Variants in ZNF609 observed in about 807,000 individuals in gnomAD.
The protein encoded by ZNF609 is zinc finger protein 609.
A neutral mutation model predicts 109.5 loss-of-function variants in ZNF609; 11 were observed. The ratio of observed to expected loss-of-function variants is 0.10; its 90% confidence interval spans 0.06 to 0.17. ZNF609 has a LOEUF of 0.17. ZNF609 is among the 10% of genes least tolerant of loss of function. The pLI, the probability that ZNF609 is intolerant of heterozygous loss-of-function variation, is 1.00. For synonymous variants in ZNF609, 646 were observed against 662.0 expected, an observed-to-expected ratio of 0.98 and a Z score of 0.37; for missense variants, 1,559 against 1,772.4, an observed-to-expected ratio of 0.88 and a Z score of 2.16.
chr15:64,485,164 C>T (rs1462021784), intron 1 of ZNF609, among the ~76,000 whole-genome samples: 4 of 151,802 alleles, frequency 2.6e-5, no homozygotes, highest in South Asian at 2.1e-4. Context: ...CTGTTGACCC[C>T]GAAGAAGTAT....
In ZNF609 at chr15:64,674,975, G is replaced by A. The variant is rs146607434; in HGVS notation, c.2121G>A (p.Lys707=). ...CCCAACTCAAGCCCATTCAGCCCAA[G>A]CCCACTGTTATGGGAGAACCTTTCA... is the stretch of plus-strand genomic sequence containing the variant. The part of the protein sequence containing the change: ...NSPQLKPIQP[K]PTVMGEPFTV... The change falls in exon 5 of 10, where the codon AAG becomes AAA. Residue 707 remains lysine (K), a synonymous_variant. Coordinates refer to ENST00000326648, the MANE Select transcript of ZNF609 (RefSeq NM_015042.2). The A allele has an allele frequency of 4.0e-3, 6,387 of 1,614,002 alleles. 13 individuals carry two copies. Among genetic ancestry groups the A allele is most frequent in the Non-Finnish European group, 4.9e-3 (5,783 of 1,180,026 alleles).
At chr15:64,601,567 AAAT>A in intron 2 of ZNF609, among the ~76,000 whole-genome samples, 1 of 152,352 alleles carries the variant, frequency 6.6e-6, no homozygotes, top group South Asian at 2.1e-4. Flanking sequence ...GAGGACTACT[AAAT>A]AATAAGTACC....
chr15:64,662,477 C>T (rs1349551058), intron 3 of ZNF609, among the ~76,000 whole-genome samples: 3 of 152,120 alleles, frequency 2.0e-5, no homozygotes. Context: ...AGGCACATGC[C>T]AACAAGCCCA....
intron 3 of ZNF609, among the ~76,000 whole-genome samples, chr15:64,628,933 C>T (rs376563131): frequency 6.6e-6 from 1 of 152,024 alleles, no homozygotes; most frequent in African/African-American, 2.4e-5. Flanking sequence ...CCCCTGCTCA[C>T]TATTGTAATA....
intron 2 of ZNF609, among the ~76,000 whole-genome samples, chr15:64,596,914 G>A (rs1895406716): frequency 6.6e-6 from 1 of 152,244 alleles, no homozygotes; most frequent in East Asian, 1.9e-4. Context: ...AAGAGAAAGG[G>A]AAACTAAAAG....
At chr15:64,639,833 G>A (rs1896227442) in intron 3 of ZNF609, among the ~76,000 whole-genome samples, 1 of 152,130 alleles carries the variant, frequency 6.6e-6, no homozygotes, top group Admixed American at 6.6e-5. Context: ...ATAATAATGA[G>A]AGACATTGCT....
chr15:64,558,376 A>G (rs369000052), intron 2 of ZNF609, among the ~76,000 whole-genome samples: 1 of 152,284 alleles, frequency 6.6e-6, no homozygotes, highest in South Asian at 2.1e-4. Context: ...TCATCTATAC[A>G]ATGTGAATAA....
At position 64,678,149 on chromosome 15, in the gene ZNF609, C is replaced by T. The variant is rs1276545647; in HGVS notation, c.3436C>T (p.Pro1146Ser). ...AEPRMWTYVY[P>S]AKYSDIKSED... ...GCCCCGGATGTGGACATATGTTTATCCTGCCAAGTACTCAGACATCAAGTC... is the reference window on the plus strand; with the variant it reads ...GCCCCGGATGTGGACATATGTTTATTCTGCCAAGTACTCAGACATCAAGTC... Residue 1146 changes from proline (P) to serine (S), a missense_variant, in exon 6 of 10, where the codon CCT becomes TCT. Transcript: ENST00000326648. 3 of 1,604,904 alleles carry T rather than the reference C, an allele frequency of 1.9e-6. No homozygotes were observed. The highest frequency in any genetic ancestry group is 1.7e-6 in the Non-Finnish European group (2 of 1,174,700).
chr15:64,527,871 C>G (rs1023827476), intron 2 of ZNF609, among the ~76,000 whole-genome samples: 1 of 152,084 alleles, frequency 6.6e-6, no homozygotes, highest in Non-Finnish European at 1.5e-5. Context: ...TGTTCAGACC[C>G]TCATCATTTT....
At chr15:64,604,903 C>T (rs1895569990) in intron 2 of ZNF609, among the ~76,000 whole-genome samples, 1 of 152,084 alleles carries the variant, frequency 6.6e-6, no homozygotes, top group Admixed American at 6.6e-5. Context: ...ATGATCTTGG[C>T]TCACTGCAAA....
intron 7 of ZNF609, 86 bp from the exon 8 acceptor site, chr15:64,680,560 C>CA: frequency 4.0e-6 from 5 of 1,253,772 alleles, no homozygotes; most frequent in Non-Finnish European, 5.5e-6. Flanking sequence ...GGGCATCTCA[C>CA]TTGTGTGTGT....
At chr15:64,549,882 C>T (rs764493496) in intron 2 of ZNF609, among the ~76,000 whole-genome samples, 6 of 152,058 alleles carry the variant, frequency 3.9e-5, no homozygotes, top group Non-Finnish European at 5.9e-5. Context: ...GTCTCCTGTA[C>T]CCAAGTGATC....
intron 2 of ZNF609, among the ~76,000 whole-genome samples, chr15:64,506,764 CAT>C: frequency 6.6e-6 from 1 of 151,726 alleles, no homozygotes; most frequent in East Asian, 1.9e-4. Flanking sequence ...TTAGCTAATT[CAT>C]ATAAAACACT....
At chr15:64,500,683 G>A (rs977072997) in intron 2 of ZNF609, 15 of 480,530 alleles carry the variant, frequency 3.1e-5, no homozygotes, top group Middle Eastern at 5.4e-4. Context: ...TTCTATTGCC[G>A]GCTACCAAAG....
chr15:64,664,447 T>C (rs1483222247), intron 3 of ZNF609, among the ~76,000 whole-genome samples: 1 of 152,204 alleles, frequency 6.6e-6, no homozygotes, highest in Non-Finnish European at 1.5e-5. Flanking sequence ...TGCTGTTTTT[T>C]AGCAGTATTA....
intron 2 of ZNF609, among the ~76,000 whole-genome samples, chr15:64,530,603 G>GT (rs1387598346): frequency 7.2e-5 from 11 of 152,152 alleles, no homozygotes; most frequent in Admixed American, 7.2e-4. Flanking sequence ...TATTTTCTGT[G>GT]TGGTCTTCTT....
chr15:64,648,892 T>C (rs1348170221), intron 3 of ZNF609, among the ~76,000 whole-genome samples: 1 of 152,144 alleles, frequency 6.6e-6, no homozygotes. Flanking sequence ...TGAATCTTAC[T>C]TTAGTGGCCA....
At chr15:64,576,937 TATAAATATATAC>T (rs1475739333) in intron 2 of ZNF609, among the ~76,000 whole-genome samples, 2 of 110,164 alleles carry the variant, frequency 1.8e-5, no homozygotes, top group African/African-American at 6.1e-5. Context: ...TATATATACA[TATAAATATATAC>T]ATATATGTAT....
intron 2 of ZNF609, among the ~76,000 whole-genome samples, chr15:64,563,576 G>A (rs193190588): frequency 1.2e-4 from 19 of 152,034 alleles, no homozygotes; most frequent in African/African-American, 4.3e-4. Flanking sequence ...TCGGGAGTTC[G>A]AGGCCAGCCT....
Sources: gnomAD v4.1 joint callset for allele counts (sites outside exome capture counted in the v4.1 genomes callset) on GRCh38, gnomAD v4.1.1 for gene constraint, MANE v1.5 for transcripts, NCBI Gene and HGNC (gene_info 2026-07-23, HGNC 2026-07-21) for gene names.